DIAPH3: variants seen among roughly 807,000 people sequenced by gnomAD.
DIAPH3 encodes the protein protein diaphanous homolog 3.
In DIAPH3, 117 loss-of-function variants were observed where a neutral mutation model predicts 144.3. The observed-to-expected ratio is 0.81, with a 90% CI of 0.70 to 0.95. DIAPH3 has a LOEUF of 0.95. DIAPH3 is among the 40% of genes least tolerant of loss of function. DIAPH3 has a pLI of 0.00. For synonymous variants in DIAPH3, 519 were observed against 488.9 expected, an observed-to-expected ratio of 1.06 and a Z score of -0.81; for missense variants, 1,421 against 1,412.7, an observed-to-expected ratio of 1.01 and a Z score of -0.09.
chr13:59,847,311 C>A (rs1041536093), intron 22 of DIAPH3, among the ~76,000 whole-genome samples: 1 of 152,100 alleles, frequency 6.6e-6, no homozygotes, highest in Admixed American at 6.6e-5. Context: ...AAGAGAAATG[C>A]CTTCATCTGC....
chr13:59,802,461 TTATAAA>T (rs1447187328), intron 25 of DIAPH3, among the ~76,000 whole-genome samples: 3 of 150,804 alleles, frequency 2.0e-5, no homozygotes, highest in Admixed American at 6.6e-5. Context: ...ATTTATCAAT[TTATAAA>T]TATATCAATT....
At chr13:60,024,454 A>G (rs2054248307) in intron 5 of DIAPH3, among the ~76,000 whole-genome samples, 1 of 152,162 alleles carries the variant, frequency 6.6e-6, no homozygotes, top group African/African-American at 2.4e-5. Context: ...GTTCTTTAAA[A>G]GAAGAAATAG....
intron 27 of DIAPH3, among the ~76,000 whole-genome samples, chr13:59,768,177 G>T (rs1360660891): frequency 6.6e-6 from 1 of 151,998 alleles, no homozygotes; most frequent in East Asian, 1.9e-4. Flanking sequence ...ATTTGATTCT[G>T]CTTGAAAGCC....
rs200684775 is a variant in DIAPH3 at position 59,810,809 on chromosome 13, G to A, written c.3142C>T (p.Arg1048Cys). Residue 1048 changes from arginine (R) to cysteine (C), a missense_variant, in exon 25 of 28, where the codon CGT becomes TGT. Coordinates refer to ENST00000400324, the MANE Select transcript of DIAPH3 (RefSeq NM_001042517.2). ...ERLERQQKKK[R>C]LLEMKTEGDE... Reference sequence around the variant, plus strand: ...TCACCAGTCTTCATTTCTAATAAACGCTTTTTCTTTTGTTGGCGTTCGAGT... The same window carrying A: ...TCACCAGTCTTCATTTCTAATAAACACTTTTTCTTTTGTTGGCGTTCGAGT... 5.0e-5 allele frequency: 81 copies of A among 1,613,348 alleles called. No homozygotes were observed. The Middle Eastern group carries it at 9.9e-4, about 20-fold the overall frequency.
chr13:60,061,579 C>T (rs1006740339), intron 4 of DIAPH3, among the ~76,000 whole-genome samples: 1 of 151,282 alleles, frequency 6.6e-6, no homozygotes, highest in Admixed American at 6.6e-5. Context: ...GAAAAAATTG[C>T]TACATTTGAT....
rs746390263 is a variant in DIAPH3 at position 59,991,228 on chromosome 13, T to A, written c.1291A>T (p.Thr431Ser). 14 of 1,611,494 alleles carry A rather than the reference T, an allele frequency of 8.7e-6. No individual in the cohort carries two copies. The highest frequency in any genetic ancestry group is 1.1e-5 in the Non-Finnish European group (13 of 1,178,646). ...GAAATAAAATATCCCTCTGCTCTAG[T>A]TTCTTTAACTGTGCTCCACACCATG... ...YNMVWSTVKE[T>S]RAEGYFISIL... is the part of the protein sequence containing the mutation. Residue 431 changes from threonine (T) to serine (S), a missense_variant, in exon 12 of 28, where the codon ACT (threonine) becomes TCT (serine). Thr to Ser is a moderately conservative substitution (Grantham distance 58). Transcript: ENST00000400324.
At chr13:60,003,400 T>C (rs2052640980) in intron 9 of DIAPH3, among the ~76,000 whole-genome samples, 1 of 152,020 alleles carries the variant, frequency 6.6e-6, no homozygotes, top group Non-Finnish European at 1.5e-5. Context: ...AGTGATTATG[T>C]TGCTTGCAGC....
chr13:60,099,748 A>C (rs1048707282), intron 3 of DIAPH3, among the ~76,000 whole-genome samples: 1 of 152,130 alleles, frequency 6.6e-6, no homozygotes, highest in Non-Finnish European at 1.5e-5. Flanking sequence ...TCTATATCTA[A>C]ACAGAATCAC....
At position 60,040,727 on chromosome 13, in the gene DIAPH3, C is replaced by T. The variant is rs539392794; in HGVS notation, c.626+1963G>A. On this transcript the variant is annotated intron_variant, in intron 5 of 27. Coordinates refer to ENST00000400324, the MANE Select transcript of DIAPH3 (RefSeq NM_001042517.2). ...GAATTGTCTCCCCAGTCAACACCCC[C>T]AATACCCTTTCTATGTTTAAACTCC... Among the ~76,000 whole-genome samples the T allele has an allele frequency of 1.1e-3, 172 of 152,278 alleles. 1 individual carries two copies. The South Asian group carries it at 0.035, about 31-fold the overall frequency.
rs188260906 is a variant in DIAPH3 at position 60,042,630 on chromosome 13, T to C, written c.626+60A>G. The stretch of plus-strand genomic sequence containing the variant: ...TTACCAGGCAAAATGAAAAAAAGTA[T>C]TAAACTAAAAGAACACATTAATGAC... On this transcript the variant is annotated intron_variant, in intron 5 of 27. Transcript: ENST00000400324. 375 of 1,605,206 alleles carry C rather than the reference T, an allele frequency of 2.3e-4. 1 individual carries two copies. In the Admixed American group the frequency reaches 6.0e-3, roughly 26 times the overall value.
intron 12 of DIAPH3, among the ~76,000 whole-genome samples, chr13:59,986,991 C>G (rs2051431863): frequency 6.6e-6 from 1 of 151,816 alleles, no homozygotes; most frequent in East Asian, 1.9e-4. Context: ...ACCCAAATGA[C>G]TATAAATCAT....
At chr13:59,714,304 G>A (rs377414406) in intron 27 of DIAPH3, among the ~76,000 whole-genome samples, 4 of 148,628 alleles carry the variant, frequency 2.7e-5, no homozygotes, top group Admixed American at 1.3e-4. Flanking sequence ...AGCTTGCAGT[G>A]AGCCGAGATC....
In DIAPH3 at chr13:60,131,435, CAAAAAAAA is replaced by C. The variant is rs777909368; in HGVS notation, c.213+1514_213+1521del. Among the ~76,000 whole-genome samples, 119 of 29,300 alleles carry C rather than the reference CAAAAAAAA, an allele frequency of 4.1e-3. 1 individual carries two copies. Among genetic ancestry groups the C allele is most frequent in the Middle Eastern group, 0.019 (1 of 54 alleles). 19.2% of individuals were successfully genotyped at this position (29,300 alleles called of 152,430 possible). A position where few individuals can be genotyped will look rare whatever the true frequency, so the allele number is the denominator to read the frequency against. The stretch of plus-strand genomic sequence containing the variant: ...TGGACAACAGAGCGAGACCCTGTCT[CAAAAAAAA>C]AAAAAAAAAAAAAAAAACAAATGAA... On this transcript the variant is annotated intron_variant, in intron 2 of 27. Coordinates refer to ENST00000400324, the MANE Select transcript of DIAPH3 (RefSeq NM_001042517.2).
chr13:59,726,422 C>T (rs997253465), intron 27 of DIAPH3, among the ~76,000 whole-genome samples: 5 of 152,134 alleles, frequency 3.3e-5, no homozygotes, highest in African/African-American at 1.2e-4. Flanking sequence ...AGCCATCGGT[C>T]CCAGACAATG....
At chr13:59,941,901 G>A (rs932009953) in intron 17 of DIAPH3, among the ~76,000 whole-genome samples, 8 of 152,120 alleles carry the variant, frequency 5.3e-5, no homozygotes, top group Non-Finnish European at 1.2e-4. Context: ...AGGCCCAAAG[G>A]CATTATAACA....
chr13:60,005,424 T>C (rs7139729), intron 9 of DIAPH3, among the ~76,000 whole-genome samples: 6,153 of 152,212 alleles, frequency 0.04, 436 homozygotes, highest in African/African-American at 0.14. Context: ...TCTTCTAAAA[T>C]TGACTGTGGT....
At chr13:59,734,402 C>A (rs2036035859) in intron 27 of DIAPH3, among the ~76,000 whole-genome samples, 1 of 151,966 alleles carries the variant, frequency 6.6e-6, no homozygotes, top group Non-Finnish European at 1.5e-5. Context: ...TTCCTTTTTT[C>A]TCATCAATAT....
At chr13:60,122,372 T>C (rs2058869353) in intron 2 of DIAPH3, among the ~76,000 whole-genome samples, 1 of 152,190 alleles carries the variant, frequency 6.6e-6, no homozygotes, top group Admixed American at 6.5e-5. Context: ...AAGACTGAGT[T>C]AGATGCTCAA....
At chr13:59,746,011 A>T (rs1053069709) in intron 27 of DIAPH3, among the ~76,000 whole-genome samples, 1 of 152,164 alleles carries the variant, frequency 6.6e-6, no homozygotes, top group Non-Finnish European at 1.5e-5. Flanking sequence ...CTTTTTAAAC[A>T]ATGTTTACAT....
Sources: allele counts gnomAD v4.1 joint callset (sites outside exome capture counted in the v4.1 genomes callset), GRCh38; gene constraint gnomAD v4.1.1; transcripts MANE v1.5; gene names NCBI Gene and HGNC (gene_info 2026-07-23, HGNC 2026-07-21).